Variants in CDH6 observed in about 807,000 individuals in gnomAD.
CDH6 encodes the protein cadherin-6.
A neutral mutation model predicts 78.0 loss-of-function variants in CDH6; 31 were observed. The ratio of observed to expected loss-of-function variants is 0.40; its 90% CI spans 0.30 to 0.54. The LOEUF (loss-of-function observed/expected upper bound fraction) is 0.54, where lower values mean the gene tolerates loss of function less well. CDH6 is among the 20% of genes least tolerant of loss of function. CDH6 has a pLI of 0.56. For missense variants in CDH6, 724 were observed against 975.9 expected, an observed-to-expected ratio of 0.74 and a Z score of 3.44; for synonymous variants, 376 against 368.8, an observed-to-expected ratio of 1.02 and a Z score of -0.23.
intron 1 of CDH6, among the ~76,000 whole-genome samples, chr5:31,204,134 T>C (rs1336511818): frequency 6.6e-6 from 1 of 152,238 alleles, no homozygotes; most frequent in Non-Finnish European, 1.5e-5. Flanking sequence ...AAGTGCTGTA[T>C]TTAGATATTT....
At chr5:31,269,768 G>A (rs183204468) in intron 2 of CDH6, among the ~76,000 whole-genome samples, 6 of 152,274 alleles carry the variant, frequency 3.9e-5, no homozygotes, top group Non-Finnish European at 7.3e-5. Flanking sequence ...GACTGGATTC[G>A]TTGGATTTGG....
rs76607730 is a variant in CDH6 at position 31,288,540 on chromosome 5, A to G, written c.229-5422A>G. On this transcript the variant is annotated intron_variant, in intron 2 of 11. Coordinates refer to ENST00000265071, the MANE Select transcript of CDH6 (RefSeq NM_004932.4). ...TTAGCATTACGTATACATGCATTAT[A>G]TATAAAGATGTATGTATACATGTAG... 5.3e-5 allele frequency among the ~76,000 whole-genome samples: 8 copies of G among 152,340 alleles called. No homozygotes were observed. The East Asian group carries it at 1.5e-3, about 29-fold the overall frequency.
At chr5:31,291,602 G>A (rs1163746017) in intron 2 of CDH6, among the ~76,000 whole-genome samples, 3 of 151,928 alleles carry the variant, frequency 2.0e-5, no homozygotes, top group South Asian at 4.2e-4. Context: ...GCCTAGGAAC[G>A]TGCCCCCCGC....
chr5:31,284,554 A>G (rs1742963075), intron 2 of CDH6, among the ~76,000 whole-genome samples: 1 of 152,304 alleles, frequency 6.6e-6, no homozygotes, highest in African/African-American at 2.4e-5. Context: ...TCTCCAGAAC[A>G]AGAAGGGGGT....
chr5:31,200,486 C>A (rs1376428362), intron 1 of CDH6, among the ~76,000 whole-genome samples: 1 of 151,586 alleles, frequency 6.6e-6, no homozygotes, highest in East Asian at 1.9e-4. Flanking sequence ...TTTTTATGAC[C>A]ACATTTATTT....
In CDH6 at chr5:31,305,158, C is replaced by A. The variant is rs2287581; in HGVS notation, c.1000-16C>A. The A allele has an allele frequency of 2.2e-5, 35 of 1,598,302 alleles. No individual in the cohort carries two copies. In the African/African-American group the frequency reaches 2.4e-4, roughly 11 times the overall value. On this transcript the variant is annotated splice_polypyrimidine_tract_variant and intron_variant, in intron 6 of 11. Transcript: ENST00000265071. ...GCTTTAAATATGTCACTTCTTCCCCCACCCCCAACCTCAAGCTCTTGGACT... is the reference window on the plus strand; with the variant it reads ...GCTTTAAATATGTCACTTCTTCCCCAACCCCCAACCTCAAGCTCTTGGACT...
chr5:31,272,933 G>A (rs1022457591), intron 2 of CDH6, among the ~76,000 whole-genome samples: 1 of 152,152 alleles, frequency 6.6e-6, no homozygotes, highest in Non-Finnish European at 1.5e-5. Context: ...TTATGAAAAT[G>A]TGGGTTCTAT....
chr5:31,267,426 T>C lies in CDH6; in HGVS notation c.-48T>C. ...GATACGGTGCAGTGAAAAAGGCACT[T>C]CCAAGAGTGGGGCACTCACTACGCA... is the stretch of plus-strand genomic sequence containing the variant. On this transcript the variant is annotated 5_prime_UTR_variant, in exon 2 of 12. Transcript: ENST00000265071. 1 of 1,437,378 alleles carries C rather than the reference T, an allele frequency of 7.0e-7. No homozygotes were observed. The highest frequency in any genetic ancestry group is 1.7e-5 in the Admixed American group (1 of 59,090). 89.0% of individuals were successfully genotyped at this position (1,437,378 alleles called of 1,614,324 possible).
chr5:31,309,122 T>C (rs890180287), intron 7 of CDH6, among the ~76,000 whole-genome samples: 1 of 152,132 alleles, frequency 6.6e-6, no homozygotes, highest in African/African-American at 2.4e-5. Context: ...GTTTCATTTG[T>C]TTCAACCCTT....
At chr5:31,249,724 G>A (rs1198446654) in intron 1 of CDH6, 1 of 152,188 alleles carries the variant, frequency 6.6e-6, no homozygotes, top group African/African-American at 2.4e-5. Flanking sequence ...TTAAAGAAAG[G>A]CTAAATTCAG....
rs1394232412 is a variant in CDH6 at position 31,283,343 on chromosome 5, A to G, written c.229-10619A>G. 2.6e-5 allele frequency among the ~76,000 whole-genome samples: 4 copies of G among 152,224 alleles called. No homozygotes were observed. In the East Asian group the frequency reaches 7.7e-4, roughly 29 times the overall value. On this transcript the variant is annotated intron_variant, in intron 2 of 11. Transcript: ENST00000265071. Reference sequence around the variant, plus strand: ...ATGAATGTTTACAGAACTAAATGTAAAAACACAGGGAAAAAAATGTGTTGT... The same window carrying G: ...ATGAATGTTTACAGAACTAAATGTAGAAACACAGGGAAAAAAATGTGTTGT...
rs1738648917 is a variant in CDH6, at chr5:31,327,564, C to T, written c.*4256C>T. The T allele has an allele frequency of 5.1e-6, 1 of 194,826 alleles. No individual in the cohort carries two copies. 12.1% of individuals were successfully genotyped at this position (194,826 alleles called of 1,614,324 possible). ...TGTTTAAATTAACACCACAACCTTCCTTATCAGATTATAAGAGTAGAAAAA... is the reference window on the plus strand; with the variant it reads ...TGTTTAAATTAACACCACAACCTTCTTTATCAGATTATAAGAGTAGAAAAA... On this transcript the variant is annotated 3_prime_UTR_variant, in exon 12 of 12. Transcript: ENST00000265071.
rs540101941 is a variant in CDH6 at position 31,317,453 on chromosome 5, G to A, written c.1591G>A (p.Ala531Thr). The A allele has an allele frequency of 3.1e-6, 5 of 1,613,084 alleles. No individual in the cohort carries two copies. The South Asian group carries it at 4.4e-5, about 14-fold the overall frequency. ...ATTTTCGTTTTCCTTGGCCCCTGAAGCAGCCAGTGGCTCAAACTTTACCAT... is the reference window on the plus strand; with the variant it reads ...ATTTTCGTTTTCCTTGGCCCCTGAAACAGCCAGTGGCTCAAACTTTACCAT... ...HQFSFSLAPE[A>T]ASGSNFTIQD... The change falls in exon 10 of 12, where the codon GCA becomes ACA. Residue 531 changes from alanine to threonine, a missense_variant. By Grantham distance (58) the Ala-to-Thr change is moderately conservative. Around this residue, in one of 3 missense-constraint regions of CDH6, gnomAD observed 446 missense variants for 684.5 expected, o/e 0.65. Transcript: ENST00000265071.
At chr5:31,223,187 G>C (rs963073149) in intron 1 of CDH6, among the ~76,000 whole-genome samples, 6 of 152,138 alleles carry the variant, frequency 3.9e-5, no homozygotes, top group African/African-American at 1.4e-4. Context: ...TAGAGTAGTA[G>C]AGATTTATTT....
At chr5:31,214,462 G>A (rs568057000) in intron 1 of CDH6, among the ~76,000 whole-genome samples, 1 of 152,150 alleles carries the variant, frequency 6.6e-6, no homozygotes, top group Non-Finnish European at 1.5e-5. Context: ...GTCGCATATT[G>A]AATATAGGTC....
chr5:31,241,029 C>T (rs1466632237), intron 1 of CDH6, among the ~76,000 whole-genome samples: 3 of 152,208 alleles, frequency 2.0e-5, no homozygotes, highest in African/African-American at 4.8e-5. Context: ...CAGGCTGCAG[C>T]CCCAAGGAAA....
chr5:31,265,768 TG>T (rs373045332), intron 1 of CDH6, among the ~76,000 whole-genome samples: 48 of 114,876 alleles, frequency 4.2e-4, no homozygotes, highest in African/African-American at 1.4e-3. Flanking sequence ...TTTAAGACAA[TG>T]TTTTTTTTTT....
At chr5:31,261,401 A>G (rs1235121361) in intron 1 of CDH6, among the ~76,000 whole-genome samples, 2 of 152,208 alleles carry the variant, frequency 1.3e-5, no homozygotes, top group Non-Finnish European at 2.9e-5. Flanking sequence ...AAAGAGTTCT[A>G]TATTTATGGG....
chr5:31,321,327 C>T (rs1187041009), intron 11 of CDH6, among the ~76,000 whole-genome samples: 2 of 152,194 alleles, frequency 1.3e-5, no homozygotes, highest in Non-Finnish European at 2.9e-5. Context: ...AAACCACACA[C>T]TTGAAAGTGG....
Sources: allele counts gnomAD v4.1 joint callset (sites outside exome capture counted in the v4.1 genomes callset), GRCh38; gene constraint gnomAD v4.1.1; regional missense constraint gnomAD v4.1.1; transcripts MANE v1.5; gene names NCBI Gene and HGNC (gene_info 2026-07-23, HGNC 2026-07-21).